The following OSBPL6 variants were observed in gnomAD, a reference collection of about 807,000 sequenced individuals.
OSBPL6 encodes the protein oxysterol-binding protein-related protein 6.
OSBPL6 carries 49 observed loss-of-function variants against 125.8 expected under a neutral mutation model. That is an observed-to-expected ratio of 0.39 (90% CI 0.31 to 0.49). OSBPL6 has a LOEUF of 0.49. Ranked by LOEUF, OSBPL6 falls within the 20% of genes least tolerant of loss-of-function variation. OSBPL6 has a pLI of 0.88. For synonymous variants in OSBPL6, 394 were observed against 391.8 expected (o/e 1.01, Z -0.07); for missense variants, 986 against 1,135.4 (o/e 0.87, Z 1.89).
Position 178,231,648 on chromosome 2 carries a change from T to A in OSBPL6, c.-351+36974T>A, listed in dbSNP as rs543663882. 8.7e-4 allele frequency among the ~76,000 whole-genome samples: 124 copies of A among 142,814 alleles called. 2 individuals are homozygous for A. Among genetic ancestry groups the A allele is most frequent in the African/African-American group, 3.2e-3 (122 of 37,614 alleles). 93.7% of individuals were successfully genotyped at this position (142,814 alleles called of 152,430 possible). Reference sequence around the variant, plus strand: ...CACCAGGGTGGTCCCATTTTTTTTTTTTTTTTTTTTTTTTTTGAGACAGGG... The same window carrying A: ...CACCAGGGTGGTCCCATTTTTTTTTATTTTTTTTTTTTTTTTGAGACAGGG... On this transcript the variant is annotated intron_variant, in intron 1 of 24. Transcript: ENST00000190611.
chr2:178,249,833 T>G (rs1354915623), intron 1 of OSBPL6, among the ~76,000 whole-genome samples: 2 of 151,706 alleles, frequency 1.3e-5, no homozygotes, highest in African/African-American at 2.4e-5. Flanking sequence ...AAGTGTTTTT[T>G]TTTTTTTTTT....
intron 1 of OSBPL6, among the ~76,000 whole-genome samples, chr2:178,198,109 A>T (rs1351278748): frequency 1.3e-5 from 2 of 152,200 alleles, no homozygotes; most frequent in African/African-American, 4.8e-5. Context: ...GGGAACAGAT[A>T]GGTGGGGACT....
chr2:178,395,100 T>A (rs1312403957), intron 24 of OSBPL6, among the ~76,000 whole-genome samples: 1 of 152,176 alleles, frequency 6.6e-6, no homozygotes, highest in East Asian at 1.9e-4. Flanking sequence ...TATTGCATAC[T>A]TTTAGTGAAG....
chr2:178,287,722 AAG>A (rs1313184483), intron 2 of OSBPL6, among the ~76,000 whole-genome samples: 1 of 151,694 alleles, frequency 6.6e-6, no homozygotes, highest in Non-Finnish European at 1.5e-5. Context: ...ACAAAAAAAT[AAG>A]AAAGAAATTT....
chr2:178,220,792 C>T (rs2090305690), intron 1 of OSBPL6, among the ~76,000 whole-genome samples: 1 of 152,194 alleles, frequency 6.6e-6, no homozygotes, highest in Non-Finnish European at 1.5e-5. Flanking sequence ...TACTCTGTCA[C>T]TTATGGTTCT....
intron 11 of OSBPL6, among the ~76,000 whole-genome samples, chr2:178,344,543 C>T (rs941793720): frequency 6.6e-6 from 1 of 152,152 alleles, no homozygotes; most frequent in Non-Finnish European, 1.5e-5. Flanking sequence ...CACGGGTATT[C>T]CTTTTTACAA....
chr2:178,259,468 G>C (rs954073175), intron 1 of OSBPL6, among the ~76,000 whole-genome samples: 1 of 100,102 alleles, frequency 1.0e-5, no homozygotes, highest in Non-Finnish European at 2.0e-5. Context: ...ACTGTACCCA[G>C]AGCTTGCATT....
In OSBPL6 at chr2:178,287,754, C is replaced by T. The variant is rs1684845102; in HGVS notation, c.-156+2633C>T. The stretch of plus-strand genomic sequence containing the variant: ...AAATTTGCTTTTATTTCTTTGGTTA[C>T]AGGAATTAAAGAGTATGTGTGCATG... On this transcript the variant is annotated intron_variant, in intron 2 of 24. Transcript: ENST00000190611. Among the ~76,000 whole-genome samples the T allele has an allele frequency of 2.6e-5, 4 of 151,556 alleles. No homozygotes were observed. The South Asian group carries it at 8.4e-4, about 32-fold the overall frequency.
chr2:178,299,485 T>C (rs1189039638), intron 2 of OSBPL6, among the ~76,000 whole-genome samples: 1 of 152,222 alleles, frequency 6.6e-6, no homozygotes, highest in Non-Finnish European at 1.5e-5. Context: ...TCTCATATGT[T>C]TACTCTTCCA....
At chr2:178,213,211 C>A (rs149527484) in intron 1 of OSBPL6, among the ~76,000 whole-genome samples, 1 of 152,180 alleles carries the variant, frequency 6.6e-6, no homozygotes, top group Non-Finnish European at 1.5e-5. Context: ...AGTCTTCTCA[C>A]TCCATACTGC....
intron 2 of OSBPL6, among the ~76,000 whole-genome samples, chr2:178,296,007 G>A (rs925019313): frequency 6.6e-6 from 1 of 152,082 alleles, no homozygotes; most frequent in Non-Finnish European, 1.5e-5. Context: ...TGGGGCTTTA[G>A]GTCTGTGAGT....
chr2:178,258,181 G>A (rs2091946066), intron 1 of OSBPL6, among the ~76,000 whole-genome samples: 1 of 151,726 alleles, frequency 6.6e-6, no homozygotes, highest in African/African-American at 2.4e-5. Context: ...GCTCACCATG[G>A]CCTCCGCCTC....
rs1443675280 is a variant in OSBPL6, at chr2:178,399,378, A to G, written c.*3819A>G. On this transcript the variant is annotated 3_prime_UTR_variant, in exon 25 of 25. Coordinates refer to ENST00000190611, the MANE Select transcript of OSBPL6 (RefSeq NM_032523.4). ...TAAAACTGATACGTTTAAACTGTAC[A>G]TTGCATAATCATTCTGTTAAACTAA... is the stretch of plus-strand genomic sequence containing the variant. 2 of 152,250 alleles carry G rather than the reference A, an allele frequency of 1.3e-5. No homozygotes were observed. The highest frequency in any genetic ancestry group is 6.5e-5 in the Admixed American group (1 of 15,280). 9.4% of individuals were successfully genotyped at this position (152,250 alleles called of 1,614,324 possible). A position where few individuals can be genotyped will look rare whatever the true frequency, so the allele number is the denominator to read the frequency against.
At chr2:178,379,311 CAGGA>C (rs141753997) in intron 15 of OSBPL6, among the ~76,000 whole-genome samples, 20 of 100,182 alleles carry the variant, frequency 2.0e-4, no homozygotes, top group East Asian at 1.9e-3. Flanking sequence ...AAGAAAGAAA[CAGGA>C]AGGAAGGAAG....
chr2:178,330,612 T>C (rs1362554293), intron 5 of OSBPL6, among the ~76,000 whole-genome samples: 1 of 152,186 alleles, frequency 6.6e-6, no homozygotes, highest in Non-Finnish European at 1.5e-5. Flanking sequence ...TGTGCAGAAC[T>C]CACAGAAGGC....
rs969448118 is a variant in OSBPL6, at chr2:178,377,240, G to A, written c.1533+3213G>A. Among the ~76,000 whole-genome samples, 4 of 152,356 alleles carry A rather than the reference G, an allele frequency of 2.6e-5. No individual in the cohort carries two copies. In the South Asian group the frequency reaches 8.3e-4, roughly 32 times the overall value. The stretch of plus-strand genomic sequence containing the variant: ...AGGAAACTTACAACCATGGCAGAAG[G>A]CCAAGGGGAAGCCAGCCCTCACATG... On this transcript the variant is annotated intron_variant, in intron 15 of 24. Coordinates refer to ENST00000190611, the MANE Select transcript of OSBPL6 (RefSeq NM_032523.4).
At chr2:178,383,479 A>T (rs2276620) in intron 17 of OSBPL6, among the ~76,000 whole-genome samples, 8,139 of 152,288 alleles carry the variant, frequency 0.053, 355 homozygotes, top group East Asian at 0.19. Context: ...TTTGTGCCTT[A>T]TCCTTGGTCT....
chr2:178,318,056 G>C (rs1687921352), intron 3 of OSBPL6, among the ~76,000 whole-genome samples: 2 of 152,216 alleles, frequency 1.3e-5, no homozygotes, highest in Non-Finnish European at 2.9e-5. Context: ...ACAGAATAAG[G>C]AGGAAGTTCA....
chr2:178,216,014 T>C (rs548577490), intron 1 of OSBPL6, among the ~76,000 whole-genome samples: 68 of 152,168 alleles, frequency 4.5e-4, no homozygotes, highest in African/African-American at 1.3e-3. Flanking sequence ...AAGGGAGAAG[T>C]TTGAGGAAGG....
Sources: gnomAD v4.1 joint callset for allele counts (sites outside exome capture counted in the v4.1 genomes callset) on GRCh38, gnomAD v4.1.1 for gene constraint, MANE v1.5 for transcripts, NCBI Gene and HGNC (gene_info 2026-07-23, HGNC 2026-07-21) for gene names.